SCFD2: variants seen among roughly 807,000 people sequenced by gnomAD.
The protein encoded by SCFD2 is sec1 family domain-containing protein 2.
SCFD2 carries 54 observed loss-of-function variants against 58.9 expected under a neutral mutation model. The ratio of observed to expected loss-of-function variants is 0.92; its 90% CI spans 0.74 to 1.15. The LOEUF (loss-of-function observed/expected upper bound fraction) is 1.15. SCFD2 is among the 50% of genes most tolerant of loss of function. The pLI is 0.00. For missense variants in SCFD2, 805 were observed against 836.6 expected (o/e 0.96, Z 0.47); for synonymous variants, 321 against 335.9 (o/e 0.96, Z 0.49).
At position 52,896,854 on chromosome 4, in the gene SCFD2, T is replaced by C. The variant is rs531791035; in HGVS notation, c.1842+10603A>G. 1.5e-4 allele frequency among the ~76,000 whole-genome samples: 23 copies of C among 152,374 alleles called. No individual in the cohort carries two copies. In the East Asian group the frequency reaches 1.5e-3, roughly 10 times the overall value. On this transcript the variant is annotated intron_variant, in intron 7 of 8. Transcript: ENST00000401642. ...TATTTCACTGAGCAGTGGTTTGTAGTTCTCCTTGAAGAGGTCCTAAACGTC... is the reference window on the plus strand; with the variant it reads ...TATTTCACTGAGCAGTGGTTTGTAGCTCTCCTTGAAGAGGTCCTAAACGTC...
At chr4:52,993,957 C>A (rs536207873) in intron 5 of SCFD2, among the ~76,000 whole-genome samples, 5 of 152,230 alleles carry the variant, frequency 3.3e-5, no homozygotes, top group Non-Finnish European at 7.3e-5. Flanking sequence ...GGAAACAAAG[C>A]GCAGACCGCA....
At chr4:52,950,310 G>T (rs1380008276) in intron 5 of SCFD2, 2 of 152,208 alleles carry the variant, frequency 1.3e-5, no homozygotes, top group Non-Finnish European at 2.9e-5. Flanking sequence ...ATGTCCCTTC[G>T]TTGGGAGTTG....
At chr4:53,120,870 A>G (rs1725459380) in intron 5 of SCFD2, among the ~76,000 whole-genome samples, 1 of 152,220 alleles carries the variant, frequency 6.6e-6, no homozygotes, top group Non-Finnish European at 1.5e-5. Context: ...CTGTCATCCA[A>G]ACTCTTTGTG....
chr4:53,090,657 T>G (rs1486477030), intron 5 of SCFD2, among the ~76,000 whole-genome samples: 3 of 152,186 alleles, frequency 2.0e-5, no homozygotes, highest in Non-Finnish European at 4.4e-5. Context: ...TTCATTCACT[T>G]ATTCAACAAA....
intron 8 of SCFD2, among the ~76,000 whole-genome samples, chr4:52,874,485 T>C (rs114353028): frequency 5.9e-5 from 9 of 152,196 alleles, no homozygotes; most frequent in African/African-American, 1.9e-4. Flanking sequence ...CCAGGGAGCA[T>C]GAGAAGGCAC....
At chr4:53,281,384 G>A (rs1731504287) in intron 3 of SCFD2, among the ~76,000 whole-genome samples, 1 of 152,142 alleles carries the variant, frequency 6.6e-6, no homozygotes, top group South Asian at 2.1e-4. Context: ...TTTCAGAAAT[G>A]CATATATATC....
intron 5 of SCFD2, among the ~76,000 whole-genome samples, chr4:53,036,057 TATTTA>T (rs1722751218): frequency 6.6e-6 from 1 of 152,048 alleles, no homozygotes; most frequent in Non-Finnish European, 1.5e-5. Context: ...TATTTTATTT[TATTTA>T]TTTTATTATT....
At chr4:53,117,828 G>C (rs1467355928) in intron 5 of SCFD2, among the ~76,000 whole-genome samples, 1 of 152,148 alleles carries the variant, frequency 6.6e-6, no homozygotes, top group Non-Finnish European at 1.5e-5. Context: ...TCACAGCAAA[G>C]GGCTTCTTTA....
At chr4:52,982,810 G>A (rs1025846798) in intron 5 of SCFD2, among the ~76,000 whole-genome samples, 5 of 152,166 alleles carry the variant, frequency 3.3e-5, no homozygotes, top group Non-Finnish European at 5.9e-5. Flanking sequence ...GTTTGCACAT[G>A]TAGCAATCCA....
intron 5 of SCFD2, among the ~76,000 whole-genome samples, chr4:52,966,136 C>T (rs1345974579): frequency 6.6e-6 from 1 of 152,232 alleles, no homozygotes; most frequent in African/African-American, 2.4e-5. Context: ...ACCAGGCCAT[C>T]TGGTGATGGG....
intron 5 of SCFD2, among the ~76,000 whole-genome samples, chr4:52,994,979 C>T (rs1005387089): frequency 6.6e-6 from 1 of 152,072 alleles, no homozygotes; most frequent in African/African-American, 2.4e-5. Flanking sequence ...AAACTGATAC[C>T]ACAGAGCAGC....
chr4:52,994,481 A>T (rs1332178108), intron 5 of SCFD2, among the ~76,000 whole-genome samples: 2 of 152,190 alleles, frequency 1.3e-5, no homozygotes, highest in East Asian at 3.8e-4. Context: ...GGTGGACGGC[A>T]AGCCCCACTG....
chr4:53,024,196 A>G (rs932541051), intron 5 of SCFD2, among the ~76,000 whole-genome samples: 3 of 152,144 alleles, frequency 2.0e-5, no homozygotes, highest in African/African-American at 7.2e-5. Flanking sequence ...AGACTTGAAG[A>G]TTCACTTACC....
At chr4:53,200,084 C>T (rs575709444) in intron 4 of SCFD2, among the ~76,000 whole-genome samples, 3 of 151,966 alleles carry the variant, frequency 2.0e-5, no homozygotes, top group Admixed American at 6.6e-5. Context: ...GTCCCAAAGG[C>T]CTCATCTCTA....
chr4:52,902,653 T>C (rs1286507243), intron 7 of SCFD2, among the ~76,000 whole-genome samples: 1 of 152,204 alleles, frequency 6.6e-6, no homozygotes, highest in African/African-American at 2.4e-5. Flanking sequence ...ACGTAGTACT[T>C]ACTACGCGCC....
At chr4:53,237,714 G>A (rs534935763) in intron 4 of SCFD2, among the ~76,000 whole-genome samples, 74 of 123,320 alleles carry the variant, frequency 6.0e-4, no homozygotes, top group African/African-American at 2.1e-3. Flanking sequence ...CCCAGTAGGG[G>A]CGGCCAGGCA....
At chr4:53,309,325 C>T (rs1732615635) in intron 3 of SCFD2, among the ~76,000 whole-genome samples, 1 of 152,100 alleles carries the variant, frequency 6.6e-6, no homozygotes, top group Non-Finnish European at 1.5e-5. Flanking sequence ...AAGAACTCAT[C>T]GTATTTAATT....
intron 2 of SCFD2, among the ~76,000 whole-genome samples, chr4:53,323,564 G>A (rs1192258279): frequency 4.2e-5 from 4 of 95,054 alleles, no homozygotes; most frequent in African/African-American, 1.9e-4. Flanking sequence ...TTTACTTTTT[G>A]CGGAGATGAA....
chr4:53,098,751 T>TAC (rs369780546), intron 5 of SCFD2, among the ~76,000 whole-genome samples: 2 of 151,998 alleles, frequency 1.3e-5, no homozygotes, highest in Non-Finnish European at 2.9e-5. Flanking sequence ...TGCACACACA[T>TAC]ACACACACAC....
Sources: gnomAD v4.1 joint callset for allele counts (sites outside exome capture counted in the v4.1 genomes callset) on GRCh38, gnomAD v4.1.1 for gene constraint, MANE v1.5 for transcripts, NCBI Gene and HGNC (gene_info 2026-07-23, HGNC 2026-07-21) for gene names.